Variants in EBF1 observed in about 807,000 individuals in gnomAD.
EBF1 encodes the protein transcription factor COE1.
In EBF1, 10 loss-of-function variants were observed where a neutral mutation model predicts 68.4. That is an observed-to-expected ratio of 0.15 (90% CI 0.09 to 0.25). The LOEUF (loss-of-function observed/expected upper bound fraction) is 0.25. Among genes scored for constraint, EBF1 ranks in the 10% least tolerant of loss-of-function variants. The probability of loss-of-function intolerance (pLI) is 1.00; values close to 1 mark genes in which losing one functional copy is unlikely to be tolerated. For synonymous variants in EBF1, 298 were observed against 299.8 expected (o/e 0.99, Z 0.06); for missense variants, 509 against 794.4 (o/e 0.64, Z 4.32).
chr5:158,940,903 C>T (rs1022351216), intron 6 of EBF1, among the ~76,000 whole-genome samples: 2 of 151,856 alleles, frequency 1.3e-5, no homozygotes, highest in Admixed American at 1.3e-4. Context: ...GAATTGAAAC[C>T]AATTATGATT....
chr5:158,802,914 A>T (rs1195057319), intron 8 of EBF1, among the ~76,000 whole-genome samples: 1 of 152,164 alleles, frequency 6.6e-6, no homozygotes, highest in African/African-American at 2.4e-5. Context: ...CTATACTCTC[A>T]TCAGTTCAGA....
intron 6 of EBF1, among the ~76,000 whole-genome samples, chr5:158,880,471 G>A (rs1018580479): frequency 4.6e-5 from 7 of 152,062 alleles, no homozygotes; most frequent in South Asian, 2.1e-4. Context: ...TTATATACAC[G>A]CTGGTACATT....
intron 6 of EBF1, chr5:158,984,907 T>C (rs2127593933): frequency 6.6e-6 from 1 of 151,730 alleles, no homozygotes; most frequent in East Asian, 1.9e-4. Flanking sequence ...ATGGTCTCAA[T>C]CTCCTGACCT....
At chr5:158,886,966 C>A (rs1227220256) in intron 6 of EBF1, among the ~76,000 whole-genome samples, 1 of 152,154 alleles carries the variant, frequency 6.6e-6, no homozygotes, top group Non-Finnish European at 1.5e-5. Flanking sequence ...CGTGCCATTG[C>A]ACTCCAGCCT....
intron 6 of EBF1, among the ~76,000 whole-genome samples, chr5:158,843,650 C>T (rs1790795112): frequency 6.6e-6 from 1 of 152,204 alleles, no homozygotes; most frequent in Non-Finnish European, 1.5e-5. Context: ...GGAAAAGACG[C>T]TCTGAAGGGC....
chr5:158,696,424 G>GCTGA lies in EBF1; in HGVS notation c.*2683_*2686dup, dbSNP rs1755770112. 4.5e-6 allele frequency: 1 copy of GCTGA among 221,078 alleles called. No individual in the cohort carries two copies. The highest frequency in any genetic ancestry group is 2.2e-5 in the African/African-American group (1 of 44,776). The allele number at this position is 221,078 out of a possible 1,614,324, so 13.7% of individuals were successfully genotyped here. ...AGAAGAGTTCTAACCACTGCACATGGCTGACAGATGGGTAGTGTCTGTTGT... is the reference window on the plus strand; with the variant it reads ...AGAAGAGTTCTAACCACTGCACATGGCTGACTGACAGATGGGTAGTGTCTGTTGT... On this transcript the variant is annotated 3_prime_UTR_variant, in exon 16 of 16. Transcript: ENST00000313708.
At chr5:158,741,799 G>T (rs1766475073) in intron 10 of EBF1, among the ~76,000 whole-genome samples, 1 of 152,124 alleles carries the variant, frequency 6.6e-6, no homozygotes, top group Admixed American at 6.5e-5. Context: ...GTGCCACAAT[G>T]AATTACATTC....
At chr5:158,926,352 C>T (rs1449014570) in intron 6 of EBF1, among the ~76,000 whole-genome samples, 1 of 152,144 alleles carries the variant, frequency 6.6e-6, no homozygotes, top group Non-Finnish European at 1.5e-5. Flanking sequence ...CTGAAGGTAA[C>T]AATAAGAAAC....
At chr5:158,722,603 A>T (rs1399498721) in intron 11 of EBF1, among the ~76,000 whole-genome samples, 5 of 152,230 alleles carry the variant, frequency 3.3e-5, no homozygotes, top group Non-Finnish European at 5.9e-5. Context: ...GGGAGGCAAA[A>T]ATATAATTTG....
rs186471982 is a variant in EBF1 at position 158,963,081 on chromosome 5, G to A, written c.554+110315C>T. On this transcript the variant is annotated intron_variant, in intron 6 of 15. Coordinates refer to ENST00000313708, the MANE Select transcript of EBF1 (RefSeq NM_024007.5). ...CCAGTCAAGGTTTTACTACAATCAC[G>A]TATCTCCTTAACTTCTTCGGTGGCT... Among the ~76,000 whole-genome samples the A allele has an allele frequency of 4.6e-5, 7 of 152,248 alleles. No homozygotes were observed. In the East Asian group the frequency reaches 9.7e-4, roughly 21 times the overall value.
At chr5:159,069,275 T>G (rs987953692) in intron 6 of EBF1, among the ~76,000 whole-genome samples, 61 of 151,890 alleles carry the variant, frequency 4.0e-4, no homozygotes, top group African/African-American at 1.4e-3. Flanking sequence ...ATGCTCACAT[T>G]GTCACCCTTA....
At position 158,797,149 on chromosome 5, in the gene EBF1, G is replaced by C. The variant is rs79457475; in HGVS notation, c.779-674C>G. ...GACCTTTGCTTTGCTGTCTTTCCCA[G>C]GCATAAAACCCTAGAATTGACTTTT... On this transcript the variant is annotated intron_variant, in intron 8 of 15. Transcript: ENST00000313708. Among the ~76,000 whole-genome samples the C allele has an allele frequency of 5.3e-3, 805 of 152,172 alleles. 7 individuals are homozygous for C. The highest frequency in any genetic ancestry group is 0.018 in the African/African-American group (763 of 41,506).
chr5:158,733,498 T>C (rs1764542239), intron 10 of EBF1, among the ~76,000 whole-genome samples: 1 of 152,050 alleles, frequency 6.6e-6, no homozygotes, highest in African/African-American at 2.4e-5. Flanking sequence ...TGACCGACAA[T>C]ATCAGCAATT....
At chr5:159,099,211 A>G in intron 1 of EBF1, 134 bp downstream of exon 1, 2 of 604,080 alleles carry the variant, frequency 3.3e-6, no homozygotes. Context: ...CCCGGCGGAG[A>G]GCGGAGCGCA....
chr5:158,784,031 A>T (rs941894300), intron 9 of EBF1, among the ~76,000 whole-genome samples: 1 of 152,164 alleles, frequency 6.6e-6, no homozygotes, highest in East Asian at 1.9e-4. Flanking sequence ...AGCTTTTATT[A>T]TCTATATTGT....
chr5:158,711,271 T>C (rs1392645982), intron 14 of EBF1, among the ~76,000 whole-genome samples: 1 of 152,226 alleles, frequency 6.6e-6, no homozygotes, highest in Non-Finnish European at 1.5e-5. Flanking sequence ...TTTTTTTTAT[T>C]CCATTGGAAT....
At chr5:158,873,144 G>A (rs910010100) in intron 6 of EBF1, among the ~76,000 whole-genome samples, 1 of 151,474 alleles carries the variant, frequency 6.6e-6, no homozygotes, top group African/African-American at 2.4e-5. Flanking sequence ...TGGGACTCCT[G>A]TGCCATTAGA....
chr5:158,959,686 T>C (rs7705878), intron 6 of EBF1, among the ~76,000 whole-genome samples: 57,311 of 151,852 alleles, frequency 0.38, 11,839 homozygotes, highest in Non-Finnish European at 0.47. Flanking sequence ...TATATATACT[T>C]TCAAGATAGA....
intron 10 of EBF1, among the ~76,000 whole-genome samples, chr5:158,762,417 T>C (rs531875137): frequency 3.3e-5 from 5 of 152,342 alleles, no homozygotes; most frequent in Non-Finnish European, 5.9e-5. Context: ...TTTTCACCAA[T>C]AATTGAGTGC....
Sources: allele counts gnomAD v4.1 joint callset (sites outside exome capture counted in the v4.1 genomes callset), GRCh38; gene constraint gnomAD v4.1.1; transcripts MANE v1.5; gene names NCBI Gene and HGNC (gene_info 2026-07-23, HGNC 2026-07-21).